CHRM4: variants seen among roughly 807,000 people sequenced by gnomAD.
CHRM4 encodes the protein cholinergic receptor muscarinic 4.
Under a neutral mutation model 26.3 loss-of-function variants are expected in CHRM4, and 5 were observed. The observed-to-expected ratio is 0.19, with a 90% confidence interval of 0.10 to 0.40. The LOEUF is 0.40. Ranked by LOEUF, CHRM4 falls within the 10% of genes least tolerant of loss-of-function variation. CHRM4 has a pLI of 1.00. For synonymous variants in CHRM4, 290 were observed against 285.3 expected (o/e 1.02, Z -0.16); for missense variants, 402 against 664.5 (o/e 0.60, Z 4.34).
At chr11:46,390,172 G>C (rs562156409) in intron 1 of CHRM4, among the ~76,000 whole-genome samples, 112 of 152,290 alleles carry the variant, frequency 7.4e-4, no homozygotes, top group Admixed American at 2.9e-3. Context: ...TAGAGGGTCG[G>C]GCCAGGAGCC....
intron 1 of CHRM4, among the ~76,000 whole-genome samples, chr11:46,389,392 T>A (rs959688124): frequency 6.6e-5 from 10 of 152,216 alleles, no homozygotes; most frequent in African/African-American, 2.2e-4. Context: ...AGCTGCCAGG[T>A]GCTGACAGGG....
chr11:46,390,530 GTGCAAGACTCTT>G (rs985851885), intron 1 of CHRM4, among the ~76,000 whole-genome samples: 1 of 152,276 alleles, frequency 6.6e-6, no homozygotes, highest in African/African-American at 2.4e-5. Flanking sequence ...GGTCAGGCGA[GTGCAAGACTCTT>G]GTCCTCCTTC....
Position 46,384,951 on chromosome 11 carries a change from G to T in CHRM4, c.*167C>A. ...CCTGGGGTGAGCCTCCTCAGCCTGA[G>T]CAGAGATCTGGTCTCTGAATGCAGC... On this transcript the variant is annotated 3_prime_UTR_variant, in exon 2 of 2. Transcript: ENST00000682254. 2 of 1,119,704 alleles carry T rather than the reference G, an allele frequency of 1.8e-6. No individual in the cohort carries two copies. The highest frequency in any genetic ancestry group is 2.5e-6 in the Non-Finnish European group (2 of 811,730). The allele number at this position is 1,119,704 out of a possible 1,614,324, so 69.4% of individuals were successfully genotyped here. A position where few individuals can be genotyped will look rare whatever the true frequency, so the allele number is the denominator to read the frequency against.
chr11:46,385,687 CCTT>C lies in CHRM4; in HGVS notation c.868_870del (p.Lys290del). 1 of 1,549,000 alleles carries C rather than the reference CCTT, an allele frequency of 6.5e-7. No homozygotes were observed. ...CCTGAGCTGGACTCATTGGAAGTGT[CCTT>C]ATCAGCCACGGGGCGCGGTGGCGGT... On this transcript the variant is annotated inframe_deletion, in exon 2 of 2. Coordinates refer to ENST00000682254, the MANE Select transcript of CHRM4 (RefSeq NM_000741.5). This position sits in a 1 kb window ranked among gnomAD's most constrained non-coding sequence, Gnocchi z 6.3.
At chr11:46,389,048 T>C (rs536066520) in intron 1 of CHRM4, among the ~76,000 whole-genome samples, 14 of 152,320 alleles carry the variant, frequency 9.2e-5, no homozygotes, top group Non-Finnish European at 1.6e-4. Context: ...TATCCTCTTA[T>C]AGATGAGGAT....
chr11:46,388,805 TCAGC>T (rs1945366557), intron 1 of CHRM4, among the ~76,000 whole-genome samples: 1 of 152,146 alleles, frequency 6.6e-6, no homozygotes, highest in Admixed American at 6.5e-5. Flanking sequence ...GAGTAATCAG[TCAGC>T]CAGCCCCAAG....
chr11:46,388,752 C>A (rs554194597), intron 1 of CHRM4, among the ~76,000 whole-genome samples: 2 of 152,324 alleles, frequency 1.3e-5, no homozygotes, highest in Middle Eastern at 3.4e-3. Context: ...AGGAGGCTGC[C>A]CTCCCCCAAT....
At position 46,391,561 on chromosome 11, in the gene CHRM4, C is replaced by T. The variant is rs1945393311; in HGVS notation, c.-60G>A. 6.6e-6 allele frequency among the ~76,000 whole-genome samples: 1 copy of T among 151,928 alleles called. No individual in the cohort carries two copies. The highest frequency in any genetic ancestry group is 2.1e-4 in the South Asian group (1 of 4,834). On this transcript the variant is annotated 5_prime_UTR_variant, in exon 1 of 2. Coordinates refer to ENST00000682254, the MANE Select transcript of CHRM4 (RefSeq NM_000741.5). The surrounding 1 kb of genome is among the most constrained non-coding windows in gnomAD (Gnocchi z 6.3). ...GGGAGCCTCAGAGCGTCCCGGGGAC[C>T]TGCTTCCTGCTCTTCCCGGCGAGCC...
At chr11:46,388,501 C>G (rs1030155657) in intron 1 of CHRM4, among the ~76,000 whole-genome samples, 1 of 152,246 alleles carries the variant, frequency 6.6e-6, no homozygotes, top group East Asian at 1.9e-4. Context: ...CCCTTCTATT[C>G]CACCGTCGCA....
intron 1 of CHRM4, among the ~76,000 whole-genome samples, chr11:46,387,869 C>T (rs980436839): frequency 5.3e-5 from 8 of 152,222 alleles, no homozygotes; most frequent in African/African-American, 1.9e-4. Flanking sequence ...TGAGGCCCAA[C>T]TGGGGACCCG....
At chr11:46,388,033 A>G (rs1291470672) in intron 1 of CHRM4, among the ~76,000 whole-genome samples, 1 of 151,996 alleles carries the variant, frequency 6.6e-6, no homozygotes, top group African/African-American at 2.4e-5. Flanking sequence ...GGCTCCTCTT[A>G]GCTCTCCTCC....
At chr11:46,389,484 A>AC (rs1307587082) in intron 1 of CHRM4, among the ~76,000 whole-genome samples, 1 of 151,604 alleles carries the variant, frequency 6.6e-6, no homozygotes, top group Non-Finnish European at 1.5e-5. Context: ...AGACATTCCG[A>AC]CCCCCTCTGG....
chr11:46,388,272 C>T (rs1945361222), intron 1 of CHRM4, among the ~76,000 whole-genome samples: 1 of 152,256 alleles, frequency 6.6e-6, no homozygotes, highest in African/African-American at 2.4e-5. Flanking sequence ...GGAAGGAGCA[C>T]TAACCCGCAG....
chr11:46,387,001 G>A (rs1044252619), intron 1 of CHRM4, among the ~76,000 whole-genome samples: 2 of 143,382 alleles, frequency 1.4e-5, no homozygotes, highest in African/African-American at 4.9e-5. Flanking sequence ...GGCCCTGCCA[G>A]GGGCAGTAGC....
Position 46,385,576 on chromosome 11 carries a change from G to A in CHRM4, c.982C>T (p.Leu328=). 6.4e-7 allele frequency: 1 copy of A among 1,557,744 alleles called. No homozygotes were observed. The highest frequency in any genetic ancestry group is 8.7e-7 in the Non-Finnish European group (1 of 1,147,828). The change falls in exon 2 of 2, where the codon CTG becomes TTG. Residue 328 remains leucine, a synonymous_variant. Coordinates refer to ENST00000682254, the MANE Select transcript of CHRM4 (RefSeq NM_000741.5). The surrounding 1 kb of genome is among the most constrained non-coding windows in gnomAD (Gnocchi z 6.3). ...GCTGGGTTGAGGGCCCGCGGCTGCA[G>A]GGGAGGGGCGGGCATGGCGGGCGTG... ...ATTPAMPAPP[L]QPRALNPASR...
At chr11:46,390,224 G>A (rs1427599046) in intron 1 of CHRM4, among the ~76,000 whole-genome samples, 1 of 152,160 alleles carries the variant, frequency 6.6e-6, no homozygotes, top group African/African-American at 2.4e-5. Context: ...AGGGTTGTGC[G>A]GGCGAGGAGG....
chr11:46,390,260 C>T (rs1945379799), intron 1 of CHRM4, among the ~76,000 whole-genome samples: 1 of 152,162 alleles, frequency 6.6e-6, no homozygotes, highest in African/African-American at 2.4e-5. Context: ...CTGCCTGCGA[C>T]GGGCCACCTA....
At position 46,389,863 on chromosome 11, in the gene CHRM4, G is replaced by A. The variant is rs895124114; in HGVS notation, c.-30+1668C>T. Among the ~76,000 whole-genome samples, 3 of 152,234 alleles carry A rather than the reference G, an allele frequency of 2.0e-5. No individual in the cohort carries two copies. In the East Asian group the frequency reaches 5.8e-4, roughly 29 times the overall value. ...GCGAGTTCTGTTTGTGTGTGCCTAC[G>A]GGGGAGCGCGAGTAGACGCTAGTAG... On this transcript the variant is annotated intron_variant, in intron 1 of 1. Coordinates refer to ENST00000682254, the MANE Select transcript of CHRM4 (RefSeq NM_000741.5).
At chr11:46,389,198 C>T (rs1364277735) in intron 1 of CHRM4, among the ~76,000 whole-genome samples, 1 of 152,198 alleles carries the variant, frequency 6.6e-6, no homozygotes, top group Non-Finnish European at 1.5e-5. Context: ...ACCCGAAAAC[C>T]ACACAACTGA....
Sources: allele counts gnomAD v4.1 joint callset (sites outside exome capture counted in the v4.1 genomes callset), GRCh38; gene constraint gnomAD v4.1.1; non-coding constraint Gnocchi (gnomAD v3.1); transcripts MANE v1.5; gene names NCBI Gene and HGNC (gene_info 2026-07-23, HGNC 2026-07-21).